TTI1: variants seen among roughly 807,000 people sequenced by gnomAD.
TTI1 encodes TELO2 interacting protein 1, also known as TELO2-interacting protein 1 homolog.
In TTI1, 52 loss-of-function variants were observed where a neutral mutation model predicts 85.4. The ratio of observed to expected loss-of-function variants is 0.61; its 90% CI spans 0.49 to 0.77. The LOEUF (loss-of-function observed/expected upper bound fraction) is 0.77. TTI1 is among the 30% of genes least tolerant of loss of function. The probability of loss-of-function intolerance (pLI) is 0.00; values close to 1 mark genes in which losing one functional copy is unlikely to be tolerated. For synonymous variants in TTI1, 512 were observed against 503.9 expected (o/e 1.02, Z -0.22); for missense variants, 1,173 against 1,296.0 (o/e 0.91, Z 1.46).
rs548358365 is a variant in TTI1, at chr20:37,992,998, A to G, written c.3086+3377T>C. 3.6e-4 allele frequency among the ~76,000 whole-genome samples: 55 copies of G among 152,112 alleles called. 1 individual carries two copies. The South Asian group carries it at 0.011, about 31-fold the overall frequency. The stretch of plus-strand genomic sequence containing the variant: ...TAATCCAACGCCTACCCTCAGGGAC[A>G]CTGTCTTATTTTTAGCTCCTGGTAT... On this transcript the variant is annotated intron_variant, in intron 7 of 7. Coordinates refer to ENST00000373447, the MANE Select transcript of TTI1 (RefSeq NM_001303457.2).
chr20:37,994,698 C>G (rs2073314554), intron 7 of TTI1, among the ~76,000 whole-genome samples: 1 of 152,140 alleles, frequency 6.6e-6, no homozygotes. Context: ...CCCTGCCCAT[C>G]AGGAGGGAGG....
chr20:37,983,255 T>C lies in TTI1; in HGVS notation c.*201A>G, dbSNP rs1477000334. The C allele has an allele frequency of 8.9e-6, 5 of 561,950 alleles. No individual in the cohort carries two copies. Among genetic ancestry groups the C allele is most frequent in the Non-Finnish European group, 1.2e-5 (4 of 322,794 alleles). 34.8% of individuals were successfully genotyped at this position (561,950 alleles called of 1,614,324 possible). A position where few individuals can be genotyped will look rare whatever the true frequency, so the allele number is the denominator to read the frequency against. On this transcript the variant is annotated 3_prime_UTR_variant, in exon 8 of 8. Transcript: ENST00000373447. ...GACAATGTCACTTGACAACACAAGG[T>C]ATGAAACATAAATAATAGTCAGCTA...
chr20:37,985,929 T>C (rs1320288550), intron 7 of TTI1, among the ~76,000 whole-genome samples: 1 of 152,194 alleles, frequency 6.6e-6, no homozygotes, highest in African/African-American at 2.4e-5. Context: ...GAGAAGTGAT[T>C]AGAATATTCT....
At chr20:38,006,007 CACGGAAAAACAGTTTTGTA>C in intron 3 of TTI1, 171 bp downstream of exon 3, 1 of 666,204 alleles carries the variant, frequency 1.5e-6, no homozygotes, top group Non-Finnish European at 2.4e-6. Flanking sequence ...CAGCTGCAAC[CACGGAAAAACAGTTTTGTA>C]ACAGAAAAGA....
At chr20:38,017,461 A>G (rs941833965) in intron 1 of TTI1, among the ~76,000 whole-genome samples, 4 of 149,752 alleles carry the variant, frequency 2.7e-5, no homozygotes, top group Non-Finnish European at 5.9e-5. Flanking sequence ...GTGTGTGCGC[A>G]CGAGCCTTTG....
chr20:38,023,707 T>C (rs2073799498), intron 1 of TTI1, among the ~76,000 whole-genome samples: 1 of 152,242 alleles, frequency 6.6e-6, no homozygotes, highest in Non-Finnish European at 1.5e-5. Flanking sequence ...GTTTGTTTAA[T>C]AAATAAGTAA....
chr20:38,023,912 A>C (rs115890739), intron 1 of TTI1, among the ~76,000 whole-genome samples: 407 of 152,338 alleles, frequency 2.7e-3, no homozygotes, highest in African/African-American at 9.6e-3. Flanking sequence ...ACTGCAGAAC[A>C]GGAAGAACAT....
chr20:38,025,545 G>A (rs2073825931), intron 1 of TTI1, among the ~76,000 whole-genome samples: 1 of 151,328 alleles, frequency 6.6e-6, no homozygotes, highest in Non-Finnish European at 1.5e-5. Context: ...CTCCAGCCTG[G>A]GCAACAAGAG....
At chr20:37,983,721 T>A (rs1252682703) in intron 7 of TTI1, 82 bp from the exon 8 acceptor site, 23 of 1,251,158 alleles carry the variant, frequency 1.8e-5, no homozygotes, top group Non-Finnish European at 2.3e-5. Flanking sequence ...GGAGGCTGTT[T>A]ACCAGGCTAT....
Position 38,012,017 on chromosome 20 carries a change from G to A in TTI1, c.1800C>T (p.His600=), listed in dbSNP as rs151266756. Residue 600 remains histidine, a synonymous_variant, in exon 2 of 8, where the codon CAC becomes CAT. Coordinates refer to ENST00000373447, the MANE Select transcript of TTI1 (RefSeq NM_001303457.2). ...CTAGAAAAGATGTAACTTGGCAGGTGTGTTCACCAGACGTGATGGCTTGGA... is the reference window on the plus strand; with the variant it reads ...CTAGAAAAGATGTAACTTGGCAGGTATGTTCACCAGACGTGATGGCTTGGA... ...PGLQAITSGE[H]TCQVTSFLAF... 4.2e-3 allele frequency: 6,801 copies of A among 1,614,254 alleles called. 17 individuals carry two copies. Among genetic ancestry groups the A allele is most frequent in the Middle Eastern group, 8.4e-3 (51 of 6,062 alleles).
intron 7 of TTI1, among the ~76,000 whole-genome samples, chr20:37,993,746 G>A (rs1019421601): frequency 1.3e-5 from 2 of 152,208 alleles, no homozygotes; most frequent in Non-Finnish European, 2.9e-5. Flanking sequence ...GCCTAGGGTC[G>A]GAAACTCACT....
chr20:38,006,009 C>T (rs532725967), intron 3 of TTI1, 188 bp downstream of exon 3: 46 of 690,736 alleles, frequency 6.7e-5, no homozygotes, highest in Non-Finnish European at 9.5e-5. Flanking sequence ...GCTGCAACCA[C>T]GGAAAAACAG....
Position 38,011,615 on chromosome 20 carries a change from C to T in TTI1, c.2202G>A (p.Val734=), listed in dbSNP as rs762828096. The T allele has an allele frequency of 1.2e-6, 2 of 1,614,092 alleles. No individual in the cohort carries two copies. The highest frequency in any genetic ancestry group is 1.3e-5 in the African/African-American group (1 of 74,926). Residue 734 remains valine, a synonymous_variant, in exon 2 of 8, where the codon GTG becomes GTA. Transcript: ENST00000373447. The part of the protein sequence containing the change: ...RNSDANLLPL[V]ADVVQDVLAT... ...CCAAGACATCTTGAACCACATCTGC[C>T]ACCAAAGGAAGCAGGTTAGCATCTG...
chr20:37,983,148 T>TTGTG lies in TTI1; in HGVS notation c.*304_*307dup, dbSNP rs58870719. 1,210 of 256,722 alleles carry TTGTG rather than the reference T, an allele frequency of 4.7e-3. 12 individuals carry two copies. Among genetic ancestry groups the TTGTG allele is most frequent in the African/African-American group, 0.025 (1,077 of 43,066 alleles). The allele number at this position is 256,722 out of a possible 1,614,324, so 15.9% of individuals were successfully genotyped here. On this transcript the variant is annotated 3_prime_UTR_variant, in exon 8 of 8. Coordinates refer to ENST00000373447, the MANE Select transcript of TTI1 (RefSeq NM_001303457.2). ...ATGCAGATGGAGGGGAACTGACCTC[T>TTGTG]TGTGTGTGTGTGTGTGTGGCCTGTG... is the stretch of plus-strand genomic sequence containing the variant.
At chr20:38,020,319 A>ATATATATATATATATATATAT (rs1555795761) in intron 1 of TTI1, among the ~76,000 whole-genome samples, 10 of 44,138 alleles carry the variant, frequency 2.3e-4, no homozygotes, top group African/African-American at 1.1e-3. Context: ...TGAAAAAAAA[A>ATATATATATATATATATATAT]AAAAATATAT....
At chr20:37,996,344 T>C (rs749246925) in intron 7 of TTI1, 31 bp downstream of exon 7, 16 of 1,612,086 alleles carry the variant, frequency 9.9e-6, no homozygotes, top group Non-Finnish European at 1.3e-5. Context: ...AGAACAAACG[T>C]AAAGGGATGC....
intron 7 of TTI1, among the ~76,000 whole-genome samples, chr20:37,984,579 C>A (rs2073166095): frequency 6.6e-6 from 1 of 152,208 alleles, no homozygotes; most frequent in African/African-American, 2.4e-5. Context: ...AAGAATGGGG[C>A]CCTCCTGCAG....
intron 5 of TTI1, among the ~76,000 whole-genome samples, chr20:37,997,671 G>C (rs1237211866): frequency 6.6e-6 from 1 of 152,190 alleles, no homozygotes; most frequent in Admixed American, 6.5e-5. Context: ...GGCATAACCA[G>C]CACAGTGTTT....
At chr20:38,030,528 A>AAC (rs3038751) in intron 1 of TTI1, among the ~76,000 whole-genome samples, 18,270 of 144,802 alleles carry the variant, frequency 0.13, 1,201 homozygotes, top group Admixed American at 0.17. Flanking sequence ...CAGTATGTAA[A>AAC]ACACACACAC....
Sources: allele counts gnomAD v4.1 joint callset (sites outside exome capture counted in the v4.1 genomes callset), GRCh38; gene constraint gnomAD v4.1.1; transcripts MANE v1.5; gene names NCBI Gene and HGNC (gene_info 2026-07-23, HGNC 2026-07-21).